GMDS: variants seen among roughly 807,000 people sequenced by gnomAD.
GMDS encodes GDP-mannose 4,6 dehydratase.
GMDS carries 20 observed loss-of-function variants against 49.9 expected under a neutral mutation model. That is an observed-to-expected ratio of 0.40 (90% confidence interval 0.28 to 0.58). The LOEUF is 0.58. Among genes scored for constraint, GMDS ranks in the 20% least tolerant of loss-of-function variants. GMDS has a pLI of 0.42. For synonymous variants in GMDS, 177 were observed against 178.6 expected (o/e 0.99, Z 0.07); for missense variants, 362 against 481.4 (o/e 0.75, Z 2.32).
chr6:2,004,793 G>A lies in GMDS; in HGVS notation c.346-43827C>T, dbSNP rs142839880. ...GGATTGTGGGATACAGGAGCAAGGA[G>A]TACAAAGACAGACCCTAATTTTAAG... On this transcript the variant is annotated intron_variant, in intron 4 of 10. Transcript: ENST00000380815. Among the ~76,000 whole-genome samples, 763 of 152,294 alleles carry A rather than the reference G, an allele frequency of 5.0e-3. 9 individuals are homozygous for A. The highest frequency in any genetic ancestry group is 0.016 in the African/African-American group (674 of 41,566).
chr6:1,884,405 G>C (rs1247869721), intron 7 of GMDS, among the ~76,000 whole-genome samples: 2 of 152,236 alleles, frequency 1.3e-5, no homozygotes, highest in Non-Finnish European at 2.9e-5. Flanking sequence ...TCTACAAATA[G>C]GACTGGTGGT....
rs529270992 is a variant in GMDS at position 1,725,815 on chromosome 6, T to G, written c.987+601A>C. ...AAGACATGTAAACAAATGATTATGG[T>G]GGGTTATAGTAGGTACTATAATAGA... On this transcript the variant is annotated intron_variant, in intron 9 of 10. Coordinates refer to ENST00000380815, the MANE Select transcript of GMDS (RefSeq NM_001500.4). 3.9e-5 allele frequency among the ~76,000 whole-genome samples: 6 copies of G among 152,272 alleles called. No homozygotes were observed. The South Asian group carries it at 1.2e-3, about 32-fold the overall frequency.
Position 2,184,975 on chromosome 6 carries a change from T to G in GMDS, c.103-60244A>C, listed in dbSNP as rs932622087. 2.6e-5 allele frequency among the ~76,000 whole-genome samples: 4 copies of G among 152,106 alleles called. No individual in the cohort carries two copies. The East Asian group carries it at 7.7e-4, about 29-fold the overall frequency. On this transcript the variant is annotated intron_variant, in intron 1 of 10. Coordinates refer to ENST00000380815, the MANE Select transcript of GMDS (RefSeq NM_001500.4). Reference sequence around the variant, plus strand: ...GTGTTGATCTGTACCAGACACTGTTTTAGGCACTGGAATTGAAGCGATCAA... The same window carrying G: ...GTGTTGATCTGTACCAGACACTGTTGTAGGCACTGGAATTGAAGCGATCAA...
intron 4 of GMDS, among the ~76,000 whole-genome samples, chr6:2,077,691 C>A (rs1472354140): frequency 1.3e-5 from 2 of 151,992 alleles, no homozygotes; most frequent in Non-Finnish European, 2.9e-5. Context: ...TGCCAGTATT[C>A]TGTCGAGGAT....
rs1312036833 is a variant in GMDS at position 1,898,111 on chromosome 6, CCTT to C, written c.771+31989_771+31991del. On this transcript the variant is annotated intron_variant, in intron 7 of 10. Transcript: ENST00000380815. ...CATCCTGGACACCTATCCTGGCCTCCCTTGCCATCCTGGACACCTACCCTGGCC... is the reference window on the plus strand; with the variant it reads ...CATCCTGGACACCTATCCTGGCCTCCGCCATCCTGGACACCTACCCTGGCC... 2.1e-3 allele frequency among the ~76,000 whole-genome samples: 258 copies of C among 124,034 alleles called. 5 individuals carry two copies. The highest frequency in any genetic ancestry group is 7.1e-3 in the African/African-American group (237 of 33,518). 81.4% of individuals were successfully genotyped at this position (124,034 alleles called of 152,430 possible). A position where few individuals can be genotyped will look rare whatever the true frequency, so the allele number is the denominator to read the frequency against.
chr6:2,227,407 C>T lies in GMDS; in HGVS notation c.102+17914G>A, dbSNP rs77146684. ...CCAAGTAATTCTATTACACCACCAACATCAGAACCATGCTTTATGGATGCT... is the reference window on the plus strand; with the variant it reads ...CCAAGTAATTCTATTACACCACCAATATCAGAACCATGCTTTATGGATGCT... On this transcript the variant is annotated intron_variant, in intron 1 of 10. Coordinates refer to ENST00000380815, the MANE Select transcript of GMDS (RefSeq NM_001500.4). Among the ~76,000 whole-genome samples, 59 of 152,294 alleles carry T rather than the reference C, an allele frequency of 3.9e-4. No homozygotes were observed. In the East Asian group the frequency reaches 9.1e-3, roughly 23 times the overall value.
intron 9 of GMDS, among the ~76,000 whole-genome samples, chr6:1,700,565 C>G (rs369833655): frequency 8.9e-4 from 135 of 152,250 alleles, no homozygotes; most frequent in African/African-American, 3.1e-3. Flanking sequence ...AGGAGCTGCA[C>G]GGCCACATTT....
chr6:1,929,872 G>C (rs1762207071), intron 7 of GMDS, among the ~76,000 whole-genome samples: 1 of 152,176 alleles, frequency 6.6e-6, no homozygotes, highest in Admixed American at 6.5e-5. Flanking sequence ...AAGAGTATTT[G>C]TGAAAGTTTT....
intron 1 of GMDS, among the ~76,000 whole-genome samples, chr6:2,135,486 C>G (rs1288926621): frequency 1.3e-5 from 2 of 152,138 alleles, no homozygotes; most frequent in African/African-American, 2.4e-5. Context: ...CTATTAATAT[C>G]TGATGTACTA....
intron 9 of GMDS, among the ~76,000 whole-genome samples, chr6:1,707,371 C>A (rs1386008617): frequency 2.6e-5 from 4 of 152,160 alleles, no homozygotes; most frequent in Non-Finnish European, 1.5e-5. Context: ...AGAAATACTT[C>A]TTGGTCTCAC....
At chr6:1,907,204 T>G (rs1561880172) in intron 7 of GMDS, among the ~76,000 whole-genome samples, 1 of 152,208 alleles carries the variant, frequency 6.6e-6, no homozygotes. Context: ...TGTCAGTGTA[T>G]GTGTATCAAC....
intron 1 of GMDS, among the ~76,000 whole-genome samples, chr6:2,136,954 T>C (rs1249680195): frequency 6.6e-6 from 1 of 150,930 alleles, no homozygotes; most frequent in East Asian, 1.9e-4. Flanking sequence ...CTTTGAAGTA[T>C]AAGCATATCA....
In GMDS at chr6:1,881,165, G is replaced by A. The variant is rs137988269; in HGVS notation, c.771+48938C>T. On this transcript the variant is annotated intron_variant, in intron 7 of 10. Coordinates refer to ENST00000380815, the MANE Select transcript of GMDS (RefSeq NM_001500.4). ...CAGGCAGGAGGGAAGTGGGGGCACC[G>A]ATAAATTTAAAAGACCAAACACAAT... Among the ~76,000 whole-genome samples, 6 of 152,206 alleles carry A rather than the reference G, an allele frequency of 3.9e-5. No individual in the cohort carries two copies. The East Asian group carries it at 5.8e-4, about 15-fold the overall frequency.
chr6:1,681,272 C>A (rs1281108920), intron 9 of GMDS, among the ~76,000 whole-genome samples: 1 of 152,088 alleles, frequency 6.6e-6, no homozygotes, highest in Non-Finnish European at 1.5e-5. Flanking sequence ...CCAAGACACG[C>A]TGGTACTTGT....
chr6:1,914,228 C>T (rs1042531212), intron 7 of GMDS, among the ~76,000 whole-genome samples: 3 of 145,084 alleles, frequency 2.1e-5, no homozygotes, highest in South Asian at 2.2e-4. Flanking sequence ...AGGCTGAGGC[C>T]GGGGTATCAT....
chr6:1,992,783 T>C (rs1250491607), intron 4 of GMDS, among the ~76,000 whole-genome samples: 1 of 152,192 alleles, frequency 6.6e-6, no homozygotes, highest in Non-Finnish European at 1.5e-5. Context: ...CTTACCTTGT[T>C]CCCCAACAGG....
At chr6:1,834,443 T>A (rs1476816637) in intron 7 of GMDS, among the ~76,000 whole-genome samples, 1 of 152,152 alleles carries the variant, frequency 6.6e-6, no homozygotes, top group African/African-American at 2.4e-5. Flanking sequence ...CCAGTTGGGA[T>A]CCATCTTTTC....
At chr6:2,089,349 T>C (rs1168022063) in intron 4 of GMDS, among the ~76,000 whole-genome samples, 2 of 151,842 alleles carry the variant, frequency 1.3e-5, no homozygotes, top group African/African-American at 4.8e-5. Context: ...GTTCTAACAA[T>C]AGACTATTTG....
intron 1 of GMDS, among the ~76,000 whole-genome samples, chr6:2,131,847 A>AT (rs1213810337): frequency 1.5e-5 from 2 of 130,468 alleles, no homozygotes; most frequent in African/African-American, 5.9e-5. Context: ...TTGAACCTCT[A>AT]TTTTCCTCTC....
Sources: gnomAD v4.1 joint callset for allele counts (sites outside exome capture counted in the v4.1 genomes callset) on GRCh38, gnomAD v4.1.1 for gene constraint, MANE v1.5 for transcripts, NCBI Gene and HGNC (gene_info 2026-07-23, HGNC 2026-07-21) for gene names.